Variants in DHRS12 observed in about 807,000 individuals in gnomAD.
DHRS12 encodes the protein dehydrogenase/reductase 12.
DHRS12 carries 29 observed loss-of-function variants against 32.1 expected under a neutral mutation model. The observed-to-expected ratio is 0.90, with a 90% CI of 0.67 to 1.23. The LOEUF is 1.23. Ranked by LOEUF, DHRS12 falls within the 50% of genes most tolerant of loss-of-function variation. The pLI, the probability that DHRS12 is intolerant of heterozygous loss-of-function variation, is 0.00. For synonymous variants in DHRS12, 150 were observed against 135.9 expected (o/e 1.10, Z -0.72); for missense variants, 330 against 337.2 (o/e 0.98, Z 0.17).
chr13:51,764,357 G>A (rs553772655), downstream of DHRS12: 12 of 152,444 alleles, frequency 7.9e-5, no homozygotes, highest in African/African-American at 2.6e-4. Flanking sequence ...GGGCTTCACA[G>A]AGGAAAGGGA....
At chr13:51,799,441 G>T in intron 2 of DHRS12, 93 bp downstream of exon 2, 3 of 1,547,056 alleles carry the variant, frequency 1.9e-6, no homozygotes, top group South Asian at 1.2e-5. Flanking sequence ...AGGACTTCCT[G>T]GCCTGCCTGT....
At chr13:51,793,795 T>A (rs1029492466) in intron 2 of DHRS12, among the ~76,000 whole-genome samples, 3 of 152,168 alleles carry the variant, frequency 2.0e-5, no homozygotes, top group Non-Finnish European at 2.9e-5. Flanking sequence ...TAAAACTCCC[T>A]CCTACCAGAA....
At chr13:51,766,767 T>C (rs1433685033), downstream of DHRS12, 1 of 152,234 alleles carries the variant, frequency 6.6e-6, no homozygotes, top group Non-Finnish European at 1.5e-5. Context: ...GCCGCCACGG[T>C]TTAAAATAAA....
At chr13:51,757,383 A>G in the DHRS12 span, among the ~76,000 whole-genome samples, 1 of 152,172 alleles carries the variant, frequency 6.6e-6, no homozygotes, top group African/African-American at 2.4e-5. Flanking sequence ...GTTAAGCCTA[A>G]ATCTTCTAAA....
intron 3 of DHRS12, among the ~76,000 whole-genome samples, chr13:51,790,440 A>C (rs560146262): frequency 1.3e-5 from 2 of 152,314 alleles, no homozygotes; most frequent in Non-Finnish European, 2.9e-5. Context: ...AAACTGGTAA[A>C]ATTAATTTAA....
At chr13:51,794,755 C>T (rs987851580) in intron 2 of DHRS12, among the ~76,000 whole-genome samples, 4 of 151,304 alleles carry the variant, frequency 2.6e-5, no homozygotes, top group African/African-American at 4.9e-5. Context: ...TCAAAAATCC[C>T]GAGAGCCTAT....
intron 7 of DHRS12, among the ~76,000 whole-genome samples, chr13:51,770,160 T>G (rs1049563976): frequency 1.3e-5 from 2 of 152,242 alleles, no homozygotes; most frequent in African/African-American, 4.8e-5. Context: ...ACATCTTTTT[T>G]TCTTTTCACA....
chr13:51,755,293 G>C, the DHRS12 span: 2 of 1,455,480 alleles, frequency 1.4e-6, no homozygotes, highest in Non-Finnish European at 1.9e-6. Flanking sequence ...GTTTCATCAG[G>C]GTCAGTGGTT....
At chr13:51,780,382 T>C (rs1417340056) in intron 4 of DHRS12, among the ~76,000 whole-genome samples, 1 of 152,036 alleles carries the variant, frequency 6.6e-6, no homozygotes, top group East Asian at 1.9e-4. Flanking sequence ...AAGAGAGATA[T>C]TTTAGAGTAC....
At chr13:51,771,708 T>C in intron 7 of DHRS12, 113 bp downstream of exon 7, 3 of 1,390,586 alleles carry the variant, frequency 2.2e-6, no homozygotes, top group South Asian at 1.3e-5. Flanking sequence ...AAGCTACTCC[T>C]CAGTCCTCAT....
At chr13:51,788,352 T>C (rs1344534793) in intron 4 of DHRS12, among the ~76,000 whole-genome samples, 2 of 152,158 alleles carry the variant, frequency 1.3e-5, no homozygotes, top group Non-Finnish European at 2.9e-5. Flanking sequence ...AAGTCAGTGA[T>C]GAAAATATTT....
intron 1 of DHRS12, 26 bp from the exon 2 acceptor site, chr13:51,799,693 AC>A: frequency 1.9e-6 from 3 of 1,611,458 alleles, no homozygotes; most frequent in Non-Finnish European, 2.5e-6. Context: ...CCACAGGAAG[AC>A]CAGCTGTAAG....
chr13:51,787,785 A>G (rs1363456863), intron 4 of DHRS12, among the ~76,000 whole-genome samples: 1 of 17,708 alleles, frequency 5.6e-5, no homozygotes, highest in Non-Finnish European at 1.2e-4. Context: ...TATATAATTT[A>G]TAATATATTA....
At chr13:51,787,797 T>TATATA (rs60137500) in intron 4 of DHRS12, among the ~76,000 whole-genome samples, 76,187 of 125,664 alleles carry the variant, frequency 0.61, 23,741 homozygotes, top group Middle Eastern at 0.68. Context: ...AATATATTAA[T>TATATA]ATATATTTAT....
chr13:51,759,494 T>TTAA, the DHRS12 span, among the ~76,000 whole-genome samples: 1 of 152,224 alleles, frequency 6.6e-6, no homozygotes, highest in African/African-American at 2.4e-5. Flanking sequence ...CTCTCAGCCA[T>TTAA]TAATAGATTG....
chr13:51,787,378 G>A (rs952118223), intron 4 of DHRS12, among the ~76,000 whole-genome samples: 1 of 152,074 alleles, frequency 6.6e-6, no homozygotes, highest in Non-Finnish European at 1.5e-5. Context: ...AAGCTTCTCT[G>A]AGAGGTGCCC....
At chr13:51,790,494 A>T (rs1351141703) in intron 3 of DHRS12, among the ~76,000 whole-genome samples, 1 of 152,248 alleles carries the variant, frequency 6.6e-6, no homozygotes, top group Non-Finnish European at 1.5e-5. Context: ...TCATTTTAAC[A>T]TGTAATCAAT....
At chr13:51,756,308 A>G in the DHRS12 span, 13 of 1,606,002 alleles carry the variant, frequency 8.1e-6, no homozygotes, top group Non-Finnish European at 9.4e-6. Flanking sequence ...CGTGATGAGT[A>G]TCTATTTTAT....
At chr13:51,801,821 G>A (rs1341653518) in intron 1 of DHRS12, among the ~76,000 whole-genome samples, 1 of 152,224 alleles carries the variant, frequency 6.6e-6, no homozygotes, top group Non-Finnish European at 1.5e-5. Flanking sequence ...CCAGGGGCAG[G>A]AAGCTGACAG....
Sources: allele counts gnomAD v4.1 joint callset (sites outside exome capture counted in the v4.1 genomes callset), GRCh38; gene constraint gnomAD v4.1.1; transcripts MANE v1.5; gene names NCBI Gene and HGNC (gene_info 2026-07-23, HGNC 2026-07-21).